The following ZFPM1 variants were observed in gnomAD, a reference collection of about 807,000 sequenced individuals.
ZFPM1 encodes zinc finger protein, FOG family member 1, also known as zinc finger protein ZFPM1.
In ZFPM1, 28 loss-of-function variants were observed where a neutral mutation model predicts 46.3. The observed-to-expected ratio is 0.60, with a 90% CI of 0.45 to 0.83. The LOEUF (loss-of-function observed/expected upper bound fraction) is 0.83. Ranked by LOEUF, ZFPM1 falls within the 40% of genes least tolerant of loss-of-function variation. The pLI is 0.00. For synonymous variants in ZFPM1, 957 were observed against 675.9 expected, an observed-to-expected ratio of 1.42 and a Z score of -6.45; for missense variants, 1,878 against 1,432.4, an observed-to-expected ratio of 1.31 and a Z score of -5.02.
At chr16:88,502,033 C>T (rs887281815) in intron 3 of ZFPM1, among the ~76,000 whole-genome samples, 9 of 150,094 alleles carry the variant, frequency 6.0e-5, no homozygotes, top group Non-Finnish European at 1.2e-4. Flanking sequence ...AGTAGCTCCT[C>T]CACCCCCGAC....
At chr16:88,479,426 C>G (rs1256182903) in intron 1 of ZFPM1, among the ~76,000 whole-genome samples, 1 of 152,098 alleles carries the variant, frequency 6.6e-6, no homozygotes, top group Non-Finnish European at 1.5e-5. Flanking sequence ...CAACTCGGGT[C>G]AGCCTGGGGG....
intron 1 of ZFPM1, among the ~76,000 whole-genome samples, chr16:88,465,703 A>C (rs1597229771): frequency 6.6e-6 from 1 of 152,130 alleles, no homozygotes; most frequent in Admixed American, 6.5e-5. Flanking sequence ...CTTGGCTCCC[A>C]CCCTGTCCCC....
rs893912663 is a variant in ZFPM1, at chr16:88,536,111, A to G, written c.*1132A>G. ...GCTGGGGCTACAGGTGTACACCACC[A>G]TGCCCAGCTAGTTTTTGTGTTTTTT... On this transcript the variant is annotated 3_prime_UTR_variant, in exon 10 of 10. Transcript: ENST00000319555. The G allele has an allele frequency of 6.6e-6, 1 of 152,094 alleles. No individual in the cohort carries two copies. The allele number at this position is 152,094 out of a possible 1,614,324, so 9.4% of individuals were successfully genotyped here.
intron 1 of ZFPM1, among the ~76,000 whole-genome samples, chr16:88,460,144 G>T (rs2142338750): frequency 6.6e-6 from 1 of 152,256 alleles, no homozygotes; most frequent in South Asian, 2.1e-4. Context: ...CTGAGATGAT[G>T]CTCCTGCCTG....
At chr16:88,458,861 G>T (rs1000297214) in intron 1 of ZFPM1, among the ~76,000 whole-genome samples, 1 of 152,202 alleles carries the variant, frequency 6.6e-6, no homozygotes, top group Non-Finnish European at 1.5e-5. Flanking sequence ...TGAAGGGAAG[G>T]GGGTTCCAGA....
intron 6 of ZFPM1, among the ~76,000 whole-genome samples, chr16:88,531,347 C>T (rs1435923253): frequency 6.6e-6 from 1 of 152,172 alleles, no homozygotes; most frequent in Non-Finnish European, 1.5e-5. Context: ...GTGCAAGCCC[C>T]CAAAACTCTC....
At chr16:88,498,599 G>A (rs1469005011) in intron 3 of ZFPM1, among the ~76,000 whole-genome samples, 1 of 152,196 alleles carries the variant, frequency 6.6e-6, no homozygotes, top group African/African-American at 2.4e-5. Context: ...CGAGGGGCAG[G>A]CAGAGCCGGC....
intron 1 of ZFPM1, among the ~76,000 whole-genome samples, chr16:88,481,994 C>G (rs1471761873): frequency 6.6e-6 from 1 of 152,222 alleles, no homozygotes; most frequent in Non-Finnish European, 1.5e-5. Context: ...TGGCTTCCAT[C>G]TGTAGACCGG....
At chr16:88,461,267 AC>A (rs1907875216) in intron 1 of ZFPM1, among the ~76,000 whole-genome samples, 1 of 146,856 alleles carries the variant, frequency 6.8e-6, no homozygotes, top group Non-Finnish European at 1.5e-5. Flanking sequence ...GTGAGGACCG[AC>A]GGGTGCGAGG....
At chr16:88,467,514 G>T (rs2142349553) in intron 1 of ZFPM1, among the ~76,000 whole-genome samples, 2 of 152,364 alleles carry the variant, frequency 1.3e-5, no homozygotes, top group Middle Eastern at 3.4e-3. Context: ...ATAAAATGGG[G>T]TGCCAGTCGC....
At chr16:88,485,839 C>G in intron 1 of ZFPM1, 100 bp from the exon 2 acceptor site, 1 of 1,124,270 alleles carries the variant, frequency 8.9e-7, no homozygotes, top group South Asian at 1.4e-5. Context: ...ATTGCCATTT[C>G]CGCCTGGGCA....
At position 88,488,354 on chromosome 16, in the gene ZFPM1, C is replaced by T. The variant is rs180801512; in HGVS notation, c.146-677C>T. Among the ~76,000 whole-genome samples, 34 of 152,324 alleles carry T rather than the reference C, an allele frequency of 2.2e-4. No homozygotes were observed. In the East Asian group the frequency reaches 3.9e-3, roughly 17 times the overall value. ...AGCCAGGGCTGCACCTGGCACCGCC[C>T]GTAGTGATAGCGTGGCGATGGGCGC... is the stretch of plus-strand genomic sequence containing the variant. On this transcript the variant is annotated intron_variant, in intron 2 of 9. Transcript: ENST00000319555.
chr16:88,491,200 G>C (rs1212471032), intron 3 of ZFPM1, among the ~76,000 whole-genome samples: 1 of 152,216 alleles, frequency 6.6e-6, no homozygotes, highest in African/African-American at 2.4e-5. Flanking sequence ...GTGGGGTCGG[G>C]AGGGGCCGCC....
rs939667801 is a variant in ZFPM1, at chr16:88,528,335, G to A, written c.712+97G>A. The A allele has an allele frequency of 3.8e-6, 5 of 1,323,010 alleles. No individual in the cohort carries two copies. In the African/African-American group the frequency reaches 4.4e-5, roughly 12 times the overall value. 82.0% of individuals were successfully genotyped at this position (1,323,010 alleles called of 1,614,324 possible). A position where few individuals can be genotyped will look rare whatever the true frequency, so the allele number is the denominator to read the frequency against. ...GGAGCTGAGGGTGGGAAGCTCGGGG[G>A]CTGCAGGCTGCCGACAGAGTGAGAG... On this transcript the variant is annotated intron_variant, in intron 6 of 9. Coordinates refer to ENST00000319555, the MANE Select transcript of ZFPM1 (RefSeq NM_153813.3).
intron 1 of ZFPM1, among the ~76,000 whole-genome samples, chr16:88,456,932 G>A (rs935376115): frequency 6.6e-6 from 1 of 152,208 alleles, no homozygotes; most frequent in Admixed American, 6.5e-5. Flanking sequence ...GGAAGGAGCC[G>A]GGGAGGGAGG....
chr16:88,531,555 C>T (rs1045540452), intron 6 of ZFPM1, among the ~76,000 whole-genome samples: 10 of 152,166 alleles, frequency 6.6e-5, no homozygotes, highest in African/African-American at 2.4e-4. Context: ...GGACTGTGTG[C>T]GTGGGTTTTC....
intron 6 of ZFPM1, 91 bp downstream of exon 6, chr16:88,528,329 TC>T: frequency 7.3e-7 from 1 of 1,370,282 alleles, no homozygotes; most frequent in Non-Finnish European, 9.8e-7. Flanking sequence ...GGTGGGAAGC[TC>T]GGGGGCTGCA....
At position 88,534,479 on chromosome 16, in the gene ZFPM1, C is replaced by T. The variant is rs767614980; in HGVS notation, c.2521C>T (p.Pro841Ser). The stretch of plus-strand genomic sequence containing the variant: ...CCTGGCGCACAAGAAGTACTCGTGC[C>T]CCGCTGCGCCACCGCCCGGCGCGCT... ...AYLAHKKYSC[P>S]AAPPPGALGL... Residue 841 changes from proline (P) to serine (S), a missense_variant, in exon 10 of 10, where the codon CCC becomes TCC. Coordinates refer to ENST00000319555, the MANE Select transcript of ZFPM1 (RefSeq NM_153813.3). 1.8e-5 allele frequency: 27 copies of T among 1,482,030 alleles called. No homozygotes were observed. In the Admixed American group the frequency reaches 5.6e-4, roughly 30 times the overall value. 91.8% of individuals were successfully genotyped at this position (1,482,030 alleles called of 1,614,324 possible). A position where few individuals can be genotyped will look rare whatever the true frequency, so the allele number is the denominator to read the frequency against.
intron 3 of ZFPM1, among the ~76,000 whole-genome samples, chr16:88,505,109 C>CG (rs1910576789): frequency 6.6e-6 from 1 of 152,160 alleles, no homozygotes; most frequent in Non-Finnish European, 1.5e-5. Flanking sequence ...CACCAGCTGG[C>CG]GGGTGGGCGG....
Sources: gnomAD v4.1 joint callset for allele counts (sites outside exome capture counted in the v4.1 genomes callset) on GRCh38, gnomAD v4.1.1 for gene constraint, MANE v1.5 for transcripts, NCBI Gene and HGNC (gene_info 2026-07-23, HGNC 2026-07-21) for gene names.